PDS5A: variants seen among roughly 807,000 people sequenced by gnomAD.
PDS5A encodes sister chromatid cohesion protein PDS5 homolog A.
Under a neutral mutation model 167.1 loss-of-function variants are expected in PDS5A, and 42 were observed. The ratio of observed to expected loss-of-function variants is 0.25; its 90% CI spans 0.20 to 0.33. The LOEUF (loss-of-function observed/expected upper bound fraction) is 0.33. Ranked by LOEUF, PDS5A falls within the 10% of genes least tolerant of loss-of-function variation. The pLI is 1.00. For missense variants in PDS5A, 1,033 were observed against 1,605.9 expected, an observed-to-expected ratio of 0.64 and a Z score of 6.10; for synonymous variants, 553 against 554.6, an observed-to-expected ratio of 1.00 and a Z score of 0.04.
At chr4:39,897,403 A>AT (rs994880694) in intron 16 of PDS5A, among the ~76,000 whole-genome samples, 4 of 151,722 alleles carry the variant, frequency 2.6e-5, no homozygotes, top group Non-Finnish European at 5.9e-5. Flanking sequence ...AAAAATTTTT[A>AT]TTTTTTCCTT....
At chr4:39,929,448 G>A (rs1019301944) in intron 2 of PDS5A, among the ~76,000 whole-genome samples, 1 of 147,436 alleles carries the variant, frequency 6.8e-6, no homozygotes, top group Non-Finnish European at 1.5e-5. Context: ...TTTGGGACTC[G>A]GACTGGCTCT....
At chr4:39,897,288 G>A (rs1309879078) in intron 16 of PDS5A, among the ~76,000 whole-genome samples, 1 of 152,060 alleles carries the variant, frequency 6.6e-6, no homozygotes, top group South Asian at 2.1e-4. Context: ...TCAGCTACTC[G>A]GAAGGCTGAG....
intron 2 of PDS5A, 164 bp downstream of exon 2, chr4:39,976,276 T>C (rs1169414684): frequency 1.9e-6 from 1 of 529,614 alleles, no homozygotes; most frequent in Non-Finnish European, 3.4e-6. Context: ...GTTATATCCC[T>C]ACAAAACTCA....
At chr4:39,917,294 T>C (rs1283131331) in intron 7 of PDS5A, 106 bp from the exon 8 acceptor site, 4 of 681,582 alleles carry the variant, frequency 5.9e-6, no homozygotes, top group East Asian at 3.4e-5. Context: ...GTATTACATA[T>C]ACAATTGAAG....
rs1323270255 is a variant in PDS5A at position 39,847,723 on chromosome 4, G to A, written c.3339+1128C>T. On this transcript the variant is annotated intron_variant, in intron 28 of 32. Coordinates refer to ENST00000303538, the MANE Select transcript of PDS5A (RefSeq NM_001100399.2). ...AATACTAAATCAGTAATAAAAATCA[G>A]ATTACATTTTAGCAAACTTTTAGTA... 2 of 152,148 alleles carry A rather than the reference G, an allele frequency of 1.3e-5. 1 individual carries two copies. Among genetic ancestry groups the A allele is most frequent in the Admixed American group, 1.3e-4 (2 of 15,278 alleles). The allele number at this position is 152,148 out of a possible 1,614,324, so 9.4% of individuals were successfully genotyped here.
At chr4:39,954,670 T>TAAAAAAAAAAAAAAAA (rs777287409) in intron 2 of PDS5A, among the ~76,000 whole-genome samples, 8 of 48,278 alleles carry the variant, frequency 1.7e-4, no homozygotes, top group African/African-American at 5.6e-4. Context: ...AAGAGATAAG[T>TAAAAAAAAAAAAAAAA]AAAAAAAAAA....
At chr4:39,839,405 A>G (rs1398533298) in intron 31 of PDS5A, among the ~76,000 whole-genome samples, 2 of 151,954 alleles carry the variant, frequency 1.3e-5, no homozygotes, top group Non-Finnish European at 2.9e-5. Flanking sequence ...CCACATCTCT[A>G]CTAAAAATAC....
At chr4:39,857,031 A>ATGTCAGCT (rs1718583673) in intron 26 of PDS5A, among the ~76,000 whole-genome samples, 1 of 152,096 alleles carries the variant, frequency 6.6e-6, no homozygotes, top group South Asian at 2.1e-4. Context: ...GAAGTTTGAG[A>ATGTCAGCT]TGTCAGCTGT....
intron 32 of PDS5A, among the ~76,000 whole-genome samples, chr4:39,835,812 C>T (rs1392555053): frequency 1.3e-5 from 2 of 152,154 alleles, no homozygotes; most frequent in African/African-American, 2.4e-5. Flanking sequence ...CGTGAGCCAC[C>T]GTGCCTGGCC....
intron 2 of PDS5A, among the ~76,000 whole-genome samples, chr4:39,941,721 T>C (rs1727240649): frequency 1.3e-5 from 2 of 152,156 alleles, no homozygotes; most frequent in Admixed American, 6.6e-5. Context: ...ATCACATCAT[T>C]ATTATGCCTT....
At chr4:39,942,012 C>T (rs1727269491) in intron 2 of PDS5A, among the ~76,000 whole-genome samples, 1 of 152,076 alleles carries the variant, frequency 6.6e-6, no homozygotes, top group African/African-American at 2.4e-5. Flanking sequence ...TTAGTTTAGG[C>T]CCTTATTGCA....
In PDS5A at chr4:39,898,805, G is replaced by A; in HGVS notation, c.1602C>T (p.Ala534=). The A allele has an allele frequency of 1.3e-6, 2 of 1,591,218 alleles. No homozygotes were observed. Among genetic ancestry groups the A allele is most frequent in the East Asian group, 2.2e-5 (1 of 44,472 alleles). ...KQPTSEANCS[A]MFGKLMTIAK... ...CTATGGTCATCAGTTTTCCAAACAT[G>A]GCAGAACAGTTAGCCTCTGACTGAA... is the stretch of plus-strand genomic sequence containing the variant. Residue 534 remains alanine (A), a synonymous_variant, in exon 15 of 33, where the codon GCC becomes GCT. Transcript: ENST00000303538.
chr4:39,927,474 G>A (rs1726857617), intron 3 of PDS5A, among the ~76,000 whole-genome samples: 1 of 152,082 alleles, frequency 6.6e-6, no homozygotes. Flanking sequence ...TGCCAAGAAT[G>A]AAATTATTCA....
At chr4:39,893,529 G>A (rs938236731) in intron 16 of PDS5A, among the ~76,000 whole-genome samples, 2 of 152,204 alleles carry the variant, frequency 1.3e-5, no homozygotes, top group Non-Finnish European at 2.9e-5. Context: ...TTAGGGTACA[G>A]AGAAGGAACT....
intron 32 of PDS5A, among the ~76,000 whole-genome samples, chr4:39,830,340 C>T (rs62307874): frequency 0.051 from 7,705 of 152,258 alleles, 281 homozygotes; most frequent in Middle Eastern, 0.095. Flanking sequence ...CAGGTGAATA[C>T]CACCATGCCG....
intron 17 of PDS5A, among the ~76,000 whole-genome samples, chr4:39,882,459 A>G (rs192883731): frequency 9.8e-5 from 15 of 152,342 alleles, no homozygotes; most frequent in African/African-American, 3.6e-4. Flanking sequence ...GATTCATTCA[A>G]TTTGAGAAAA....
At chr4:39,970,705 T>C (rs1446862239) in intron 2 of PDS5A, among the ~76,000 whole-genome samples, 2 of 151,744 alleles carry the variant, frequency 1.3e-5, no homozygotes, top group East Asian at 3.9e-4. Context: ...ACTTTCATTA[T>C]CTGTGAAGTA....
chr4:39,839,937 T>C (rs1716815892), intron 31 of PDS5A, among the ~76,000 whole-genome samples: 2 of 151,484 alleles, frequency 1.3e-5, no homozygotes, highest in South Asian at 2.1e-4. Context: ...CTACTAAAAA[T>C]ACAAAAATTA....
intron 10 of PDS5A, chr4:39,908,833 C>CTG: frequency 7.3e-6 from 2 of 272,470 alleles, no homozygotes; most frequent in Non-Finnish European, 1.4e-5. Context: ...TTCATACCAG[C>CTG]TTAGGCAACA....
Sources: allele counts gnomAD v4.1 joint callset (sites outside exome capture counted in the v4.1 genomes callset), GRCh38; gene constraint gnomAD v4.1.1; transcripts MANE v1.5; gene names NCBI Gene and HGNC (gene_info 2026-07-23, HGNC 2026-07-21).